Variants in MCM4 observed in about 807,000 individuals in gnomAD.
MCM4 encodes minichromosome maintenance complex component 4.
MCM4 carries 60 observed loss-of-function variants against 88.7 expected under a neutral mutation model. That is an observed-to-expected ratio of 0.68 (90% confidence interval 0.55 to 0.84). The LOEUF (loss-of-function observed/expected upper bound fraction) is 0.84, where lower values mean the gene tolerates loss of function less well. MCM4 is among the 40% of genes least tolerant of loss of function. The pLI is 0.00. For synonymous variants in MCM4, 465 were observed against 410.5 expected, an observed-to-expected ratio of 1.13 and a Z score of -1.61; for missense variants, 1,149 against 1,105.5, an observed-to-expected ratio of 1.04 and a Z score of -0.56.
intron 15 of MCM4, 121 bp downstream of exon 15, chr8:47,975,083 G>T (rs189045145): frequency 3.4e-4 from 254 of 742,078 alleles, no homozygotes; most frequent in Middle Eastern, 2.5e-3. Context: ...ACCTTTTTTG[G>T]ATTAGGACCC....
In MCM4 at chr8:47,976,959, A is replaced by C; in HGVS notation, c.*181A>C. The C allele has an allele frequency of 2.0e-6, 1 of 502,494 alleles. No homozygotes were observed. The highest frequency in any genetic ancestry group is 3.6e-6 in the Non-Finnish European group (1 of 276,930). 31.1% of individuals were successfully genotyped at this position (502,494 alleles called of 1,614,324 possible). A position where few individuals can be genotyped will look rare whatever the true frequency, so the allele number is the denominator to read the frequency against. On this transcript the variant is annotated 3_prime_UTR_variant, in exon 17 of 17. Coordinates refer to ENST00000649973, the MANE Select transcript of MCM4 (RefSeq NM_182746.3). ...TGAAGTATCTGTTTTCATTTTTTTC[A>C]CGTTATAAATAAAAATACTATGCTG...
At chr8:47,975,112 A>C in intron 15 of MCM4, 150 bp downstream of exon 15, 1 of 608,308 alleles carries the variant, frequency 1.6e-6, no homozygotes. Context: ...ATCTGATGAA[A>C]GTTGCCCTTT....
At chr8:47,961,373 C>T in intron 2 of MCM4, 143 bp from the exon 3 acceptor site, 2 of 1,517,564 alleles carry the variant, frequency 1.3e-6, no homozygotes, top group Non-Finnish European at 1.8e-6. Context: ...CAGGCTGTGG[C>T]CTGGGTGCTG....
intron 7 of MCM4, 95 bp downstream of exon 7, chr8:47,963,135 C>T (rs1589828099): frequency 6.9e-6 from 5 of 723,700 alleles, no homozygotes; most frequent in Non-Finnish European, 9.3e-6. Context: ...AGATAGTATG[C>T]GCAAACACTT....
intron 8 of MCM4, 63 bp downstream of exon 8, chr8:47,964,775 G>A: frequency 7.4e-7 from 1 of 1,348,752 alleles, no homozygotes; most frequent in Non-Finnish European, 1.0e-6. Context: ...AAATAGCCTT[G>A]TTTTCATTGA....
intron 7 of MCM4, among the ~76,000 whole-genome samples, chr8:47,963,699 T>C (rs2090869523): frequency 6.6e-6 from 1 of 152,224 alleles, no homozygotes; most frequent in African/African-American, 2.4e-5. Context: ...AAGAATATAT[T>C]GTACTGTAGA....
At chr8:47,973,184 G>A in intron 14 of MCM4, 120 bp downstream of exon 14, 1 of 961,514 alleles carries the variant, frequency 1.0e-6, no homozygotes, top group Non-Finnish European at 1.5e-6. Flanking sequence ...TCTCTTCCTT[G>A]TTTTGAGACA....
In MCM4 at chr8:47,966,373, T is replaced by C; in HGVS notation, c.1019T>C (p.Ile340Thr). The C allele has an allele frequency of 6.8e-6, 11 of 1,613,304 alleles. No individual in the cohort carries two copies. The highest frequency in any genetic ancestry group is 9.3e-6 in the Non-Finnish European group (11 of 1,179,534). The change falls in exon 9 of 17, where the codon ATC (isoleucine) becomes ACC (threonine). Residue 340 changes from isoleucine (I) to threonine (T), a missense_variant. By Grantham distance (89) the Ile-to-Thr change is moderately conservative. This residue lies in a region of MCM4 where 906 missense variants were observed against 843.0 expected (regional missense o/e 1.07). Transcript: ENST00000649973. ...CACACCACCCACAGCATGGCACTCA[T>C]CCACAACCGCTCCCTCTTCTCTGAC... ...RCHTTHSMAL[I>T]HNRSLFSDKQ...
intron 9 of MCM4, 127 bp from the exon 10 acceptor site, chr8:47,967,238 A>G (rs2090907730): frequency 2.0e-6 from 2 of 999,308 alleles, no homozygotes; most frequent in South Asian, 1.9e-5. Flanking sequence ...AATGAGAAAC[A>G]TGGACAATCA....
At chr8:47,969,532 A>G (rs1167349069) in intron 10 of MCM4, 7 of 473,498 alleles carry the variant, frequency 1.5e-5, no homozygotes, top group Non-Finnish European at 2.7e-5. Context: ...TGCTAGGATT[A>G]CAGACATGAG....
intron 10 of MCM4, among the ~76,000 whole-genome samples, chr8:47,968,687 T>C (rs929575532): frequency 3.9e-5 from 6 of 152,250 alleles, no homozygotes; most frequent in African/African-American, 1.4e-4. Context: ...TGGTTTGTTG[T>C]GTTAAACAAG....
Position 47,962,121 on chromosome 8 carries a change from A to G in MCM4, c.304A>G (p.Thr102Ala). The G allele has an allele frequency of 1.9e-6, 3 of 1,614,076 alleles. No individual in the cohort carries two copies. Among genetic ancestry groups the G allele is most frequent in the Non-Finnish European group, 2.5e-6 (3 of 1,179,988 alleles). The change falls in exon 4 of 17, where the codon ACC becomes GCC. Residue 102 changes from threonine to alanine, a missense_variant. Coordinates refer to ENST00000649973, the MANE Select transcript of MCM4 (RefSeq NM_182746.3). Reference protein sequence around the residue: ...YGTPSSRVEGTPRSGVRGTPV... With the variant: ...YGTPSSRVEGAPRSGVRGTPV... ...CACTCCCAGCTCTCGGGTAGAGGGAACCCCAAGAAGTGGTGTTAGGGGCAC... is the reference window on the plus strand; with the variant it reads ...CACTCCCAGCTCTCGGGTAGAGGGAGCCCCAAGAAGTGGTGTTAGGGGCAC...
In MCM4 at chr8:47,976,675, C is replaced by T. The variant is rs746453408; in HGVS notation, c.2500-11C>T. The T allele has an allele frequency of 4.4e-6, 7 of 1,603,698 alleles. No individual in the cohort carries two copies. In the African/African-American group the frequency reaches 6.7e-5, roughly 15 times the overall value. On this transcript the variant is annotated splice_polypyrimidine_tract_variant and intron_variant, in intron 16 of 16. Transcript: ENST00000649973. Reference sequence around the variant, plus strand: ...CGTGTACAATATTTATTTTCTTTCTCTTCCCCACAGGCAATTACTAAAGAT... The same window carrying T: ...CGTGTACAATATTTATTTTCTTTCTTTTCCCCACAGGCAATTACTAAAGAT...
At position 47,971,445 on chromosome 8, in the gene MCM4, G is replaced by T. The variant is rs2090953026; in HGVS notation, c.1905G>T (p.Gln635His). ...NPKKTTIENIQLPHTLLSRFD... is the reference protein window; with the variant it reads ...NPKKTTIENIHLPHTLLSRFD... ...AAAAAACAACCATTGAAAACATCCAGCTGCCTCATACTTTATTATCAAGGT... is the reference window on the plus strand; with the variant it reads ...AAAAAACAACCATTGAAAACATCCATCTGCCTCATACTTTATTATCAAGGT... Residue 635 changes from glutamine (Q) to histidine (H), a missense_variant, in exon 13 of 17, where the codon CAG (glutamine) becomes CAT (histidine). By Grantham distance (24) the Gln-to-His change is conservative. This residue lies in a region of MCM4 where 906 missense variants were observed against 843.0 expected (regional missense o/e 1.07). Transcript: ENST00000649973. 6.2e-7 allele frequency: 1 copy of T among 1,614,018 alleles called. No individual in the cohort carries two copies. Among genetic ancestry groups the T allele is most frequent in the South Asian group, 1.1e-5 (1 of 91,072 alleles).
At chr8:47,971,812 C>A (rs2090955384) in intron 13 of MCM4, among the ~76,000 whole-genome samples, 1 of 152,128 alleles carries the variant, frequency 6.6e-6, no homozygotes, top group Non-Finnish European at 1.5e-5. Context: ...TCACTCTTGG[C>A]CCCACTACAA....
rs1391758245 is a variant in MCM4, at chr8:47,966,388, T to G, written c.1034T>G (p.Leu345Arg). ...ATGGCACTCATCCACAACCGCTCCCTCTTCTCTGACAAGCAGATGGTGCGC... is the reference window on the plus strand; with the variant it reads ...ATGGCACTCATCCACAACCGCTCCCGCTTCTCTGACAAGCAGATGGTGCGC... ...HSMALIHNRS[L>R]FSDKQMIKLQ... Residue 345 changes from leucine to arginine, a missense_variant, in exon 9 of 17, where the codon CTC becomes CGC. By Grantham distance (102) the Leu-to-Arg change is moderately radical. Coordinates refer to ENST00000649973, the MANE Select transcript of MCM4 (RefSeq NM_182746.3). The G allele has an allele frequency of 3.1e-6, 5 of 1,611,604 alleles. No homozygotes were observed. Among genetic ancestry groups the G allele is most frequent in the Non-Finnish European group, 1.7e-6 (2 of 1,178,430 alleles).
intron 15 of MCM4, 109 bp from the exon 16 acceptor site, chr8:47,975,606 C>T (rs748848983): frequency 2.2e-5 from 16 of 738,080 alleles, no homozygotes; most frequent in Admixed American, 3.9e-5. Context: ...TACTCAGCCC[C>T]TGTCGCCTTA....
intron 15 of MCM4, 47 bp from the exon 16 acceptor site, chr8:47,975,668 C>G: frequency 6.9e-7 from 1 of 1,439,828 alleles, no homozygotes; most frequent in Non-Finnish European, 9.2e-7. Context: ...TGAAGCATTT[C>G]ATTTCATAAT....
chr8:47,973,025 G>A lies in MCM4; in HGVS notation c.2097G>A (p.Met699Ile). The A allele has an allele frequency of 6.2e-7, 1 of 1,613,986 alleles. No homozygotes were observed. The highest frequency in any genetic ancestry group is 8.5e-7 in the Non-Finnish European group (1 of 1,180,020). The change falls in exon 14 of 17, where the codon ATG becomes ATA. Residue 699 changes from methionine to isoleucine, a missense_variant. Around this residue, in one of 3 missense-constraint regions of MCM4, gnomAD observed 238 missense variants for 241.6 expected, o/e 0.99. Transcript: ENST00000649973. ...DYIAYAHSTIMPRLSEEASQA... is the reference protein window; with the variant it reads ...DYIAYAHSTIIPRLSEEASQA... ...TTGCCTACGCGCACAGCACCATCATGCCGCGGCTAAGTGAGGAAGCCAGCC... is the reference window on the plus strand; with the variant it reads ...TTGCCTACGCGCACAGCACCATCATACCGCGGCTAAGTGAGGAAGCCAGCC...
Sources: allele counts gnomAD v4.1 joint callset (sites outside exome capture counted in the v4.1 genomes callset), GRCh38; gene constraint gnomAD v4.1.1; regional missense constraint gnomAD v4.1.1; transcripts MANE v1.5; gene names NCBI Gene and HGNC (gene_info 2026-07-23, HGNC 2026-07-21).